Variants in ARGFX observed in about 807,000 individuals in gnomAD.
ARGFX encodes the protein arginine-fifty homeobox.
In ARGFX, 10 loss-of-function variants were observed where a neutral mutation model predicts 8.0. The ratio of observed to expected loss-of-function variants is 1.25; its 90% confidence interval spans 0.77 to 2.12. The LOEUF (loss-of-function observed/expected upper bound fraction) is 2.12. ARGFX is among the 30% of genes most tolerant of loss of function. The pLI is 0.00. For missense variants in ARGFX, 282 were observed against 324.3 expected (o/e 0.87, Z 1.00); for synonymous variants, 116 against 117.8 (o/e 0.98, Z 0.10).
intron 2 of ARGFX, 105 bp from the exon 3 acceptor site, chr3:121,576,675 CTCTT>C (rs1354417471): frequency 3.4e-5 from 11 of 320,126 alleles, no homozygotes; most frequent in Non-Finnish European, 3.6e-5. Context: ...TTCTTTCTTT[CTCTT>C]TCTTTTTCTT....
Position 121,585,075 on chromosome 3 carries a change from C to T in ARGFX, c.369+10C>T. 1 of 1,613,166 alleles carries T rather than the reference C, an allele frequency of 6.2e-7. No homozygotes were observed. The highest frequency in any genetic ancestry group is 1.3e-5 in the African/African-American group (1 of 74,982). On this transcript the variant is annotated intron_variant, in intron 4 of 4. Coordinates refer to ENST00000334384, the MANE Select transcript of ARGFX (RefSeq NM_001012659.2). ...GGAGTCAACAGTAAAGGTCTGATCC[C>T]CTGTGGTGTGCTTGGTACCCCCATC...
chr3:121,574,711 A>G (rs746888296), intron 2 of ARGFX, among the ~76,000 whole-genome samples: 1 of 152,204 alleles, frequency 6.6e-6, no homozygotes, highest in Non-Finnish European at 1.5e-5. Flanking sequence ...CTAACAGGCC[A>G]TGGACCCATA....
intron 2 of ARGFX, among the ~76,000 whole-genome samples, chr3:121,572,542 C>A (rs1242564143): frequency 6.6e-6 from 1 of 151,958 alleles, no homozygotes; most frequent in Non-Finnish European, 1.5e-5. Context: ...CACCACTGCC[C>A]GGCCAGGCTT....
At chr3:121,574,253 C>T (rs759885058) in intron 2 of ARGFX, among the ~76,000 whole-genome samples, 15 of 152,162 alleles carry the variant, frequency 9.9e-5, no homozygotes, top group Non-Finnish European at 1.3e-4. Flanking sequence ...TTTTTGGCAC[C>T]AGGGACTGGT....
chr3:121,570,267 C>T (rs985330770), intron 1 of ARGFX, among the ~76,000 whole-genome samples: 3 of 152,132 alleles, frequency 2.0e-5, no homozygotes, highest in African/African-American at 4.8e-5. Context: ...TCCCTGGATA[C>T]GGAATCTGAG....
At chr3:121,577,170 A>G (rs1275022914) in intron 3 of ARGFX, among the ~76,000 whole-genome samples, 1 of 126,938 alleles carries the variant, frequency 7.9e-6, no homozygotes, top group African/African-American at 2.8e-5. Flanking sequence ...TTATAAAGAA[A>G]AGTGTGTTGT....
chr3:121,576,751 C>CTTTTTTTT, intron 2 of ARGFX, 33 bp from the exon 3 acceptor site: 1 of 291,516 alleles, frequency 3.4e-6, no homozygotes. Context: ...TTCTTTTTCT[C>CTTTTTTTT]TTTCTTTCTT....
chr3:121,575,228 G>A (rs1356706999), intron 2 of ARGFX, among the ~76,000 whole-genome samples: 1 of 151,782 alleles, frequency 6.6e-6, no homozygotes, highest in Non-Finnish European at 1.5e-5. Context: ...GCTGTGGCAG[G>A]AGAATCTCTT....
intron 3 of ARGFX, among the ~76,000 whole-genome samples, chr3:121,580,594 G>GTGTGTGTGTA (rs1394661822): frequency 3.1e-4 from 23 of 73,382 alleles, no homozygotes; most frequent in Admixed American, 4.9e-4. Flanking sequence ...GTGTGTGTGT[G>GTGTGTGTGTA]TATATATATA....
chr3:121,586,193 T>C lies in ARGFX; in HGVS notation c.541T>C (p.Ser181Pro). 1 of 1,614,108 alleles carries C rather than the reference T, an allele frequency of 6.2e-7. No individual in the cohort carries two copies. The highest frequency in any genetic ancestry group is 1.7e-5 in the Admixed American group (1 of 60,006). The stretch of plus-strand genomic sequence containing the variant: ...TTCAGATTTCTACAGCTCCCTTCCA[T>C]CTCAGCCCTTAGACCCTTCCAATTG... ...VISDFYSSLP[S>P]QPLDPSNWAW... The change falls in exon 5 of 5, where the codon TCT becomes CCT. Residue 181 changes from serine to proline, a missense_variant. Physicochemically the swap from Ser to Pro is moderately conservative, Grantham distance 74. Coordinates refer to ENST00000334384, the MANE Select transcript of ARGFX (RefSeq NM_001012659.2).
chr3:121,588,050 G>C lies in ARGFX; in HGVS notation c.*1450G>C, dbSNP rs2048823015. On this transcript the variant is annotated 3_prime_UTR_variant, in exon 5 of 5. Transcript: ENST00000334384. ...AAGAAATAAAAACAGATTTTTGAAG[G>C]TGAGATGATAAACTTGCAAAACTCA... Among the ~76,000 whole-genome samples, 1 of 151,824 alleles carries C rather than the reference G, an allele frequency of 6.6e-6. No homozygotes were observed. The highest frequency in any genetic ancestry group is 6.6e-5 in the Admixed American group (1 of 15,248).
chr3:121,577,259 A>ATATAT lies in ARGFX; in HGVS notation c.220+360_220+361insATATT, dbSNP rs1403064031. Among the ~76,000 whole-genome samples the ATATAT allele has an allele frequency of 2.7e-3, 158 of 59,552 alleles. 2 individuals are homozygous for ATATAT. In the East Asian group the frequency reaches 0.027, roughly 10 times the overall value. 39.1% of individuals were successfully genotyped at this position (59,552 alleles called of 152,430 possible). A position where few individuals can be genotyped will look rare whatever the true frequency, so the allele number is the denominator to read the frequency against. On this transcript the variant is annotated intron_variant, in intron 3 of 4. Transcript: ENST00000334384. ...TATATATATATATATATATATATAT[A>ATATAT]TTTTTTTTTTTTTAAATGGAGTCTC...
intron 2 of ARGFX, among the ~76,000 whole-genome samples, chr3:121,575,466 A>C (rs2048730762): frequency 6.6e-6 from 1 of 152,202 alleles, no homozygotes; most frequent in Non-Finnish European, 1.5e-5. Context: ...TTTTCGCTAT[A>C]GTCTCTCATC....
chr3:121,579,776 C>A (rs914487084), intron 3 of ARGFX, among the ~76,000 whole-genome samples: 2 of 151,926 alleles, frequency 1.3e-5, no homozygotes, highest in African/African-American at 4.8e-5. Context: ...CAGGAGGATC[C>A]CTTGAGCCCA....
chr3:121,581,014 C>T (rs1391926162), intron 3 of ARGFX, among the ~76,000 whole-genome samples: 1 of 152,080 alleles, frequency 6.6e-6, no homozygotes, highest in Non-Finnish European at 1.5e-5. Flanking sequence ...GAGTCTCGCT[C>T]TGTTGCCCAG....
chr3:121,571,382 A>G (rs2048707179), intron 2 of ARGFX, among the ~76,000 whole-genome samples: 1 of 152,084 alleles, frequency 6.6e-6, no homozygotes, highest in Non-Finnish European at 1.5e-5. Flanking sequence ...AAGCAATCAG[A>G]AAAGAAAATT....
chr3:121,578,025 A>T (rs2048754742), intron 3 of ARGFX, among the ~76,000 whole-genome samples: 1 of 150,992 alleles, frequency 6.6e-6, no homozygotes, highest in Admixed American at 6.6e-5. Context: ...ACTTCAAGCG[A>T]TCCGCTCGCC....
intron 3 of ARGFX, among the ~76,000 whole-genome samples, chr3:121,577,202 T>TATATATATATATATCTACATGTAC (rs1491275907): frequency 3.6e-5 from 2 of 56,030 alleles, no homozygotes; most frequent in African/African-American, 5.9e-5. Context: ...TGTGTGTATG[T>TATATATATATATATCTACATGTAC]ATATATATAT....
intron 2 of ARGFX, 73 bp from the exon 3 acceptor site, chr3:121,576,710 TC>T (rs2048739276): frequency 7.3e-5 from 4 of 55,004 alleles, no homozygotes; most frequent in Non-Finnish European, 1.8e-4. Context: ...TCTTTCTTTT[TC>T]TTTCTTTCTT....
Sources: allele counts gnomAD v4.1 joint callset (sites outside exome capture counted in the v4.1 genomes callset), GRCh38; gene constraint gnomAD v4.1.1; transcripts MANE v1.5; gene names NCBI Gene and HGNC (gene_info 2026-07-23, HGNC 2026-07-21).